KAZN: variants seen among roughly 807,000 people sequenced by gnomAD.
KAZN encodes the protein kazrin.
KAZN carries 40 observed loss-of-function variants against 87.4 expected under a neutral mutation model. The observed-to-expected ratio is 0.46, with a 90% CI of 0.36 to 0.60. The LOEUF is 0.60. Among genes scored for constraint, KAZN ranks in the 20% least tolerant of loss-of-function variants. The probability of loss-of-function intolerance (pLI) is 0.00; values close to 1 mark genes in which losing one functional copy is unlikely to be tolerated. For synonymous variants in KAZN, 466 were observed against 458.3 expected (o/e 1.02, Z -0.22); for missense variants, 898 against 1,073.9 (o/e 0.84, Z 2.29).
At chr1:14,794,694 A>G (rs1285323261) in intron 1 of KAZN, among the ~76,000 whole-genome samples, 1 of 152,198 alleles carries the variant, frequency 6.6e-6, no homozygotes, top group Non-Finnish European at 1.5e-5. Flanking sequence ...TAAGTACTTC[A>G]CAGGCTGTAT....
chr1:13,894,969 C>T (rs1638979964), intron 1 of KAZN, among the ~76,000 whole-genome samples: 1 of 152,200 alleles, frequency 6.6e-6, no homozygotes, highest in Non-Finnish European at 1.5e-5. Flanking sequence ...TTATTAAAAA[C>T]TGTGTGATCT....
intron 2 of KAZN, among the ~76,000 whole-genome samples, chr1:14,193,313 G>A (rs1646460101): frequency 6.6e-6 from 1 of 152,072 alleles, no homozygotes; most frequent in Middle Eastern, 3.2e-3. Flanking sequence ...TTATAAAAAG[G>A]GGAAATTTGG....
rs1178856249 is a variant in KAZN at position 14,735,576 on chromosome 1, C to T, written c.226+136353C>T. On this transcript the variant is annotated intron_variant, in intron 1 of 14. Coordinates refer to ENST00000376030, the MANE Select transcript of KAZN (RefSeq NM_201628.3). This position sits in a 1 kb window ranked among gnomAD's most constrained non-coding sequence, Gnocchi z 4.3. ...TGCTAAACCCCACACACCTAACGGCCGTTTTCACATGGCAGCCCCCCACGC... is the reference window on the plus strand; with the variant it reads ...TGCTAAACCCCACACACCTAACGGCTGTTTTCACATGGCAGCCCCCCACGC... Among the ~76,000 whole-genome samples, 1 of 152,108 alleles carries T rather than the reference C, an allele frequency of 6.6e-6. No individual in the cohort carries two copies. Among genetic ancestry groups the T allele is most frequent in the African/African-American group, 2.4e-5 (1 of 41,406 alleles).
intron 1 of KAZN, among the ~76,000 whole-genome samples, chr1:14,765,247 C>G (rs1644854696): frequency 6.6e-6 from 1 of 152,328 alleles, no homozygotes; most frequent in East Asian, 1.9e-4. Context: ...CCAGACATTG[C>G]CAAGTACCTC....
At chr1:14,924,024 TG>T (rs1658843557) in intron 1 of KAZN, 7 of 696,112 alleles carry the variant, frequency 1.0e-5, no homozygotes, top group Non-Finnish European at 1.1e-5. Context: ...CCCCGGGCAC[TG>T]GGGCCAGTCT....
intron 2 of KAZN, among the ~76,000 whole-genome samples, chr1:15,009,447 G>A (rs1197517905): frequency 2.0e-5 from 3 of 152,190 alleles, no homozygotes; most frequent in African/African-American, 7.2e-5. Context: ...GAGTCACAAC[G>A]CCAAGCACCT....
At chr1:13,984,917 T>C (rs80139621) in intron 1 of KAZN, among the ~76,000 whole-genome samples, 2,437 of 152,348 alleles carry the variant, frequency 0.016, 73 homozygotes, top group African/African-American at 0.056. Flanking sequence ...GGATTTTTTT[T>C]TCAAATAGAA....
At chr1:14,084,717 C>T (rs1377157384) in intron 1 of KAZN, among the ~76,000 whole-genome samples, 1 of 126,488 alleles carries the variant, frequency 7.9e-6, no homozygotes, top group Non-Finnish European at 1.6e-5. Context: ...TGTGTGTCAC[C>T]AGGGCCTGTT....
chr1:14,446,936 G>C (rs1031466446), intron 2 of KAZN, among the ~76,000 whole-genome samples: 1 of 152,062 alleles, frequency 6.6e-6, no homozygotes, highest in Non-Finnish European at 1.5e-5. Context: ...CATATACAGA[G>C]GGCACATGTA....
At chr1:14,770,954 T>C (rs1468508013) in intron 1 of KAZN, among the ~76,000 whole-genome samples, 4 of 152,256 alleles carry the variant, frequency 2.6e-5, no homozygotes, top group Non-Finnish European at 4.4e-5. Context: ...CGAGACCACA[T>C]GTCCCAGCTC....
chr1:15,032,407 T>C (rs1202703609), intron 2 of KAZN, among the ~76,000 whole-genome samples: 1 of 151,576 alleles, frequency 6.6e-6, no homozygotes, highest in Non-Finnish European at 1.5e-5. Context: ...TTAGCCAGGA[T>C]GGTCTCGATC....
chr1:14,579,671 C>T (rs1398860549), intron 2 of KAZN, among the ~76,000 whole-genome samples: 2 of 150,790 alleles, frequency 1.3e-5, no homozygotes, highest in Admixed American at 6.6e-5. Context: ...AGTAAGCATA[C>T]TATTTGACCA....
At chr1:15,036,301 G>A (rs148719116) in intron 3 of KAZN, among the ~76,000 whole-genome samples, 18 of 110,262 alleles carry the variant, frequency 1.6e-4, no homozygotes, top group South Asian at 3.7e-4. Context: ...TGCCCTGCCC[G>A]CCCAGCTCCC....
At chr1:14,385,668 G>T (rs1661810841) in intron 2 of KAZN, among the ~76,000 whole-genome samples, 1 of 152,014 alleles carries the variant, frequency 6.6e-6, no homozygotes, top group African/African-American at 2.4e-5. Context: ...TTGCACTGTG[G>T]TCTGAGAGAT....
At chr1:13,945,817 G>A (rs1641129640) in intron 1 of KAZN, among the ~76,000 whole-genome samples, 2 of 151,974 alleles carry the variant, frequency 1.3e-5, no homozygotes, top group African/African-American at 2.4e-5. Flanking sequence ...ATATTGGAAT[G>A]CTGGTTCTGG....
chr1:14,378,169 C>T (rs898328043), intron 2 of KAZN, among the ~76,000 whole-genome samples: 4 of 152,162 alleles, frequency 2.6e-5, no homozygotes, highest in Non-Finnish European at 5.9e-5. Flanking sequence ...TAAGCAAACA[C>T]ATAAGACGTT....
intron 2 of KAZN, among the ~76,000 whole-genome samples, chr1:14,352,367 T>C (rs559732273): frequency 2.0e-5 from 3 of 152,158 alleles, no homozygotes; most frequent in African/African-American, 7.2e-5. Flanking sequence ...GGCCCTTAGG[T>C]AGAGGAAATA....
intron 1 of KAZN, among the ~76,000 whole-genome samples, chr1:13,900,748 C>T (rs1027685254): frequency 2.0e-5 from 3 of 152,154 alleles, no homozygotes; most frequent in African/African-American, 7.2e-5. Flanking sequence ...GTACCTTAAC[C>T]TCTCTGTGCC....
At chr1:14,290,165 T>C (rs1478293352) in intron 2 of KAZN, among the ~76,000 whole-genome samples, 1 of 152,234 alleles carries the variant, frequency 6.6e-6, no homozygotes, top group African/African-American at 2.4e-5. Context: ...TTGTGGTTGC[T>C]CTTCTCGAGG....
Sources: gnomAD v4.1 joint callset for allele counts (sites outside exome capture counted in the v4.1 genomes callset) on GRCh38, gnomAD v4.1.1 for gene constraint, Gnocchi (gnomAD v3.1) non-coding constraint, MANE v1.5 for transcripts, NCBI Gene and HGNC (gene_info 2026-07-23, HGNC 2026-07-21) for gene names.